The following VEGFA variants were observed in gnomAD, a reference collection of about 807,000 sequenced individuals.
VEGFA encodes vascular endothelial growth factor A.
A neutral mutation model predicts 49.7 loss-of-function variants in VEGFA; 20 were observed. The ratio of observed to expected loss-of-function variants is 0.40; its 90% CI spans 0.28 to 0.58. The LOEUF is 0.58. Among genes scored for constraint, VEGFA ranks in the 20% least tolerant of loss-of-function variants. VEGFA has a pLI of 0.40. For synonymous variants in VEGFA, 219 were observed against 223.4 expected, an observed-to-expected ratio of 0.98 and a Z score of 0.18; for missense variants, 505 against 553.5, an observed-to-expected ratio of 0.91 and a Z score of 0.88.
chr6:43,772,801 A>C (rs1764050079), intron 1 of VEGFA, among the ~76,000 whole-genome samples: 1 of 152,108 alleles, frequency 6.6e-6, no homozygotes, highest in Admixed American at 6.5e-5. Context: ...AGTTCCTCAG[A>C]CCCTGGCACA....
chr6:43,778,123 A>C, intron 3 of VEGFA: 1 of 477,548 alleles, frequency 2.1e-6, no homozygotes, highest in Non-Finnish European at 3.9e-6. Context: ...GCTTTCGGGT[A>C]TCTACTAGGA....
At chr6:43,778,197 A>G in intron 3 of VEGFA, 1 of 570,040 alleles carries the variant, frequency 1.8e-6, no homozygotes, top group Non-Finnish European at 3.2e-6. Context: ...AGAACCTAGG[A>G]TTTGAATTCC....
At chr6:43,775,327 C>T (rs1582485465) in intron 2 of VEGFA, 1 of 152,090 alleles carries the variant, frequency 6.6e-6, no homozygotes, top group Non-Finnish European at 1.5e-5. Context: ...GGACAAAGGT[C>T]TTTGTTTGCT....
At chr6:43,771,380 GC>G in intron 1 of VEGFA, 68 bp downstream of exon 1, 1 of 1,519,014 alleles carries the variant, frequency 6.6e-7, no homozygotes, top group Non-Finnish European at 8.9e-7. Context: ...GGACGTGCGT[GC>G]GAGCGCGCGC....
intron 4 of VEGFA, 86 bp from the exon 5 acceptor site, chr6:43,778,803 A>AT: frequency 6.9e-7 from 1 of 1,455,880 alleles, no homozygotes; most frequent in Non-Finnish European, 9.6e-7. Context: ...TTTTACTGTG[A>AT]TTATTATTGT....
At chr6:43,778,994 T>C (rs375223863) in intron 5 of VEGFA, 76 bp downstream of exon 5, 41 of 1,594,140 alleles carry the variant, frequency 2.6e-5, no homozygotes, top group Middle Eastern at 3.3e-4. Flanking sequence ...GCTACCTCTG[T>C]TGGGGGCTCC....
rs1408174157 is a variant in VEGFA, at chr6:43,773,754, G to A, written c.607-587G>A. On this transcript the variant is annotated intron_variant, in intron 1 of 7. Coordinates refer to ENST00000672860, the MANE Select transcript of VEGFA (RefSeq NM_003376.6). The surrounding 1 kb of genome is among the most constrained non-coding windows in gnomAD (Gnocchi z 5.6). ...CTCCTCCTGGGTTTTTACCCTCTAA[G>A]CAACCTGTGGGCATGCTGGGTTATT... The A allele has an allele frequency of 1.2e-5, 2 of 162,268 alleles. No individual in the cohort carries two copies. Among genetic ancestry groups the A allele is most frequent in the Non-Finnish European group, 2.8e-5 (2 of 72,630 alleles). 10.1% of individuals were successfully genotyped at this position (162,268 alleles called of 1,614,324 possible).
intron 2 of VEGFA, chr6:43,776,138 C>T (rs1431150092): frequency 6.6e-6 from 1 of 152,164 alleles, no homozygotes; most frequent in Non-Finnish European, 1.5e-5. Context: ...AAATGGAAGC[C>T]AAAACACCAC....
chr6:43,780,471 G>A lies in VEGFA; in HGVS notation c.963-261G>A, dbSNP rs1478746595. On this transcript the variant is annotated intron_variant, in intron 5 of 7. Transcript: ENST00000672860. ...CACCCAGTCTCGGCTTCCCACCAAA[G>A]CCTTGTCAGGGGCTGGGTTTGCCAT... 3 of 523,798 alleles carry A rather than the reference G, an allele frequency of 5.7e-6. No individual in the cohort carries two copies. In the East Asian group the frequency reaches 1.1e-4, roughly 19 times the overall value. 32.4% of individuals were successfully genotyped at this position (523,798 alleles called of 1,614,324 possible). A position where few individuals can be genotyped will look rare whatever the true frequency, so the allele number is the denominator to read the frequency against.
Position 43,771,223 on chromosome 6 carries a change from G to A in VEGFA, c.517G>A (p.Gly173Ser), listed in dbSNP as rs1219959057. The A allele has an allele frequency of 2.5e-6, 4 of 1,605,094 alleles. No homozygotes were observed. The highest frequency in any genetic ancestry group is 4.5e-5 in the East Asian group (2 of 43,988). The change falls in exon 1 of 8, where the codon GGC becomes AGC. Residue 173 changes from glycine (G) to serine (S), a missense_variant. This residue lies in a region of VEGFA where 340 missense variants were observed against 321.8 expected (regional missense o/e 1.06). Transcript: ENST00000672860. ...CCGGAGAGGGAGCGCGAGCCGCGCC[G>A]GCCCCGGTCGGGCCTCCGAAACCAT...
Position 43,774,556 on chromosome 6 carries a change from C to T in VEGFA, c.658+164C>T, listed in dbSNP as rs891581183. The T allele has an allele frequency of 4.3e-5, 34 of 787,472 alleles. No individual in the cohort carries two copies. The African/African-American group carries it at 4.8e-4, about 11-fold the overall frequency. 48.8% of individuals were successfully genotyped at this position (787,472 alleles called of 1,614,324 possible). On this transcript the variant is annotated intron_variant, in intron 2 of 7. Transcript: ENST00000672860. ...GCACCACGAGGTTCACCCTCAGTTTCGTGAGGACTCTCCGCTGTTCAGGTC... is the reference window on the plus strand; with the variant it reads ...GCACCACGAGGTTCACCCTCAGTTTTGTGAGGACTCTCCGCTGTTCAGGTC...
In VEGFA at chr6:43,778,224, T is replaced by C. The variant is rs1766110104; in HGVS notation, c.856-236T>C. 1.7e-5 allele frequency: 10 copies of C among 595,660 alleles called. No individual in the cohort carries two copies. The South Asian group carries it at 1.9e-4, about 11-fold the overall frequency. 36.9% of individuals were successfully genotyped at this position (595,660 alleles called of 1,614,324 possible). ...TTGAATTCCCAGCCTGGCCAACCCTTGCAGCCATGTCTTGGCCTCAAGTGG... is the reference window on the plus strand; with the variant it reads ...TTGAATTCCCAGCCTGGCCAACCCTCGCAGCCATGTCTTGGCCTCAAGTGG... On this transcript the variant is annotated intron_variant, in intron 3 of 7. Transcript: ENST00000672860.
In VEGFA at chr6:43,777,773, C is replaced by T. The variant is rs1361527525; in HGVS notation, c.855+108C>T. ...TGGCTAGATTTGCCTTGTCTGGCTC[C>T]TGCCCCTGAGTTGCACAGGGGAGGT... On this transcript the variant is annotated intron_variant, in intron 3 of 7. Coordinates refer to ENST00000672860, the MANE Select transcript of VEGFA (RefSeq NM_003376.6). The surrounding 1 kb of genome is among the most constrained non-coding windows in gnomAD (Gnocchi z 4.3). 3 of 1,272,618 alleles carry T rather than the reference C, an allele frequency of 2.4e-6. No homozygotes were observed. The Admixed American group carries it at 6.2e-5, about 27-fold the overall frequency. The allele number at this position is 1,272,618 out of a possible 1,614,324, so 78.8% of individuals were successfully genotyped here. A position where few individuals can be genotyped will look rare whatever the true frequency, so the allele number is the denominator to read the frequency against.
intron 6 of VEGFA, 168 bp from the exon 7 acceptor site, chr6:43,781,788 G>T (rs921280051): frequency 1.2e-6 from 1 of 852,616 alleles, no homozygotes; most frequent in South Asian, 1.5e-5. Flanking sequence ...TCTTTCCGCC[G>T]CTCTCTCTGT....
In VEGFA at chr6:43,770,928, C is replaced by T; in HGVS notation, c.222C>T (p.Ala74=). The T allele has an allele frequency of 2.6e-6, 4 of 1,544,554 alleles. No homozygotes were observed. Among genetic ancestry groups the T allele is most frequent in the South Asian group, 1.2e-5 (1 of 83,218 alleles). Residue 74 remains alanine, a synonymous_variant, in exon 1 of 8, where the codon GCC becomes GCT. Transcript: ENST00000672860. ...GAGCCGTGGTCCGCGCGGGGGAAGC[C>T]GAGCCGAGCGGAGCCGCGAGAAGTG...
At chr6:43,782,179 G>A (rs1345425664) in intron 7 of VEGFA, 92 bp downstream of exon 7, 2 of 1,557,488 alleles carry the variant, frequency 1.3e-6, no homozygotes. Context: ...CGAGCGAGCG[G>A]GAGAGCGCCT....
intron 5 of VEGFA, chr6:43,779,289 T>C: frequency 2.3e-6 from 1 of 438,200 alleles, no homozygotes; most frequent in East Asian, 4.6e-5. Flanking sequence ...GGCCAGCTTT[T>C]GTGTGTCAGA....
chr6:43,770,802 G>A lies in VEGFA; in HGVS notation c.96G>A (p.Gln32=). 2.7e-6 allele frequency: 4 copies of A among 1,498,868 alleles called. No individual in the cohort carries two copies. Among genetic ancestry groups the A allele is most frequent in the Non-Finnish European group, 3.6e-6 (4 of 1,126,502 alleles). The allele number at this position is 1,498,868 out of a possible 1,614,324, so 92.8% of individuals were successfully genotyped here. ...TGGACGCGGCGGCGAGCCGCGGGCA[G>A]GGGCCGGAGCCCGCGCCCGGAGGCG... Residue 32 remains glutamine, a synonymous_variant, in exon 1 of 8, where the codon CAG becomes CAA. Coordinates refer to ENST00000672860, the MANE Select transcript of VEGFA (RefSeq NM_003376.6).
intron 3 of VEGFA, 149 bp from the exon 4 acceptor site, chr6:43,778,311 T>A (rs998011877): frequency 1.4e-6 from 1 of 735,974 alleles, no homozygotes; most frequent in Non-Finnish European, 2.5e-6. Flanking sequence ...GCCTCTTTCC[T>A]GCTAGAGCTC....
Sources: gnomAD v4.1 joint callset for allele counts (sites outside exome capture counted in the v4.1 genomes callset) on GRCh38, gnomAD v4.1.1 for gene constraint, gnomAD v4.1.1 regional missense constraint, Gnocchi (gnomAD v3.1) non-coding constraint, MANE v1.5 for transcripts, NCBI Gene and HGNC (gene_info 2026-07-23, HGNC 2026-07-21) for gene names.